EBF1: variants seen among roughly 807,000 people sequenced by gnomAD.
EBF1 encodes the protein EBF transcription factor 1.
A neutral mutation model predicts 68.4 loss-of-function variants in EBF1; 10 were observed. The observed-to-expected ratio is 0.15, with a 90% CI of 0.09 to 0.25. The LOEUF is 0.25. Ranked by LOEUF, EBF1 falls within the 10% of genes least tolerant of loss-of-function variation. The probability of loss-of-function intolerance (pLI) is 1.00; values close to 1 mark genes in which losing one functional copy is unlikely to be tolerated. For missense variants in EBF1, 509 were observed against 794.4 expected (o/e 0.64, Z 4.32); for synonymous variants, 298 against 299.8 (o/e 0.99, Z 0.06).
intron 6 of EBF1, among the ~76,000 whole-genome samples, chr5:158,978,398 C>T (rs1757202344): frequency 6.6e-6 from 1 of 152,192 alleles, no homozygotes; most frequent in Non-Finnish European, 1.5e-5. Context: ...CACTGAATTT[C>T]CCCCTTCCCT....
rs926623094 is a variant in EBF1, at chr5:158,906,109, C to T, written c.555-65999G>A. Among the ~76,000 whole-genome samples, 5 of 151,950 alleles carry T rather than the reference C, an allele frequency of 3.3e-5. No individual in the cohort carries two copies. In the South Asian group the frequency reaches 6.2e-4, roughly 19 times the overall value. On this transcript the variant is annotated intron_variant, in intron 6 of 15. Transcript: ENST00000313708. Reference sequence around the variant, plus strand: ...GCTTTACCATGAGGGGAAGGTGGTTCGATAGGGAAAGAGGGATAAAGGTAG... The same window carrying T: ...GCTTTACCATGAGGGGAAGGTGGTTTGATAGGGAAAGAGGGATAAAGGTAG...
chr5:158,782,822 T>C (rs1191177095), intron 9 of EBF1, among the ~76,000 whole-genome samples: 1 of 152,140 alleles, frequency 6.6e-6, no homozygotes, highest in African/African-American at 2.4e-5. Context: ...TATCCATGAG[T>C]CCAGGTGAGT....
At chr5:159,095,279 C>T (rs1423566969) in intron 4 of EBF1, among the ~76,000 whole-genome samples, 1 of 152,140 alleles carries the variant, frequency 6.6e-6, no homozygotes, top group Admixed American at 6.5e-5. Flanking sequence ...AAAGGTTCAG[C>T]CCACTCCGCA....
chr5:158,838,760 A>G (rs577093086), intron 7 of EBF1, among the ~76,000 whole-genome samples: 6 of 152,336 alleles, frequency 3.9e-5, no homozygotes, highest in African/African-American at 1.4e-4. Context: ...TTCAATCTAC[A>G]CTTAAAGCTG....
chr5:158,922,994 G>A (rs2127410069), intron 6 of EBF1, among the ~76,000 whole-genome samples: 1 of 152,360 alleles, frequency 6.6e-6, no homozygotes, highest in Non-Finnish European at 1.5e-5. Context: ...GAAATGAATG[G>A]CTGAGCCTAC....
At chr5:158,965,459 A>G (rs556150196) in intron 6 of EBF1, among the ~76,000 whole-genome samples, 1 of 152,228 alleles carries the variant, frequency 6.6e-6, no homozygotes, top group African/African-American at 2.4e-5. Flanking sequence ...CAGAAGTTTA[A>G]GCTTTAACAG....
rs140522628 is a variant in EBF1, at chr5:158,765,080, A to G, written c.1036+12333T>C. ...AGAGACACATAGTGTCAGTAGTCAG[A>G]CCTGTACTTTGACCCCCGATACAGA... is the stretch of plus-strand genomic sequence containing the variant. On this transcript the variant is annotated intron_variant, in intron 10 of 15. Transcript: ENST00000313708. Among the ~76,000 whole-genome samples the G allele has an allele frequency of 9.8e-3, 1,492 of 152,310 alleles. 34 individuals carry two copies. Among genetic ancestry groups the G allele is most frequent in the African/African-American group, 0.033 (1,377 of 41,574 alleles).
At chr5:158,809,774 CA>C (rs1782285692) in intron 8 of EBF1, among the ~76,000 whole-genome samples, 1 of 152,292 alleles carries the variant, frequency 6.6e-6, no homozygotes, top group Admixed American at 6.5e-5. Context: ...ACATCTAACA[CA>C]AACGATAGCA....
At chr5:158,824,646 C>G (rs933124573) in intron 7 of EBF1, among the ~76,000 whole-genome samples, 1 of 152,212 alleles carries the variant, frequency 6.6e-6, no homozygotes, top group African/African-American at 2.4e-5. Flanking sequence ...TCTGAGGAAG[C>G]CTTTTCTCCA....
intron 6 of EBF1, among the ~76,000 whole-genome samples, chr5:158,920,378 C>G (rs1252474829): frequency 6.6e-6 from 1 of 152,206 alleles, no homozygotes; most frequent in Admixed American, 6.5e-5. Flanking sequence ...TTTTCCATCC[C>G]TTTCAACTGG....
intron 11 of EBF1, among the ~76,000 whole-genome samples, chr5:158,730,830 T>C (rs1272459259): frequency 1.3e-5 from 2 of 152,220 alleles, no homozygotes; most frequent in East Asian, 1.9e-4. Flanking sequence ...ATGGTAATAA[T>C]ACCAACATCA....
At chr5:158,963,811 T>C (rs1470775076) in intron 6 of EBF1, among the ~76,000 whole-genome samples, 1 of 152,108 alleles carries the variant, frequency 6.6e-6, no homozygotes, top group Non-Finnish European at 1.5e-5. Context: ...TAAATTCTTG[T>C]TGAGGTTTAT....
At chr5:159,073,721 TG>T (rs1016653283) in intron 5 of EBF1, 3 of 502,710 alleles carry the variant, frequency 6.0e-6, no homozygotes, top group African/African-American at 5.8e-5. Flanking sequence ...AACCCCAAGA[TG>T]GGGTCTCCCC....
intron 6 of EBF1, among the ~76,000 whole-genome samples, chr5:159,070,780 G>A (rs1777659299): frequency 6.6e-6 from 1 of 152,140 alleles, no homozygotes; most frequent in Non-Finnish European, 1.5e-5. Flanking sequence ...TGCATCTTTT[G>A]AAAACAGTTA....
rs79550392 is a variant in EBF1 at position 158,865,632 on chromosome 5, G to A, written c.555-25522C>T. Among the ~76,000 whole-genome samples the A allele has an allele frequency of 2.8e-3, 420 of 152,248 alleles. 12 individuals are homozygous for A. In the East Asian group the frequency reaches 0.037, roughly 14 times the overall value. ...AAGTTTAAGATATATTTGTTGTGCC[G>A]TGTTGTGTTGTGTTTGCTGTAGTAG... is the stretch of plus-strand genomic sequence containing the variant. On this transcript the variant is annotated intron_variant, in intron 6 of 15. Transcript: ENST00000313708.
intron 6 of EBF1, among the ~76,000 whole-genome samples, chr5:159,055,409 C>G (rs979299842): frequency 6.6e-6 from 1 of 152,150 alleles, no homozygotes. Context: ...TAAATAACAG[C>G]AGGGGCAGTA....
At chr5:158,872,424 T>C (rs1347282722) in intron 6 of EBF1, among the ~76,000 whole-genome samples, 1 of 152,182 alleles carries the variant, frequency 6.6e-6, no homozygotes, top group Non-Finnish European at 1.5e-5. Flanking sequence ...CTCGAACTCC[T>C]GACCCCGCGA....
chr5:158,872,241 G>C (rs1797007014), intron 6 of EBF1, among the ~76,000 whole-genome samples: 1 of 150,362 alleles, frequency 6.7e-6, no homozygotes, highest in South Asian at 2.1e-4. Flanking sequence ...GTGTCACCCA[G>C]GCTGGAGCCC....
At chr5:158,722,460 G>T (rs1213324332) in intron 11 of EBF1, among the ~76,000 whole-genome samples, 1 of 152,162 alleles carries the variant, frequency 6.6e-6, no homozygotes, top group African/African-American at 2.4e-5. Flanking sequence ...AGATGTATTT[G>T]TCATGTACAC....
Sources: allele counts gnomAD v4.1 joint callset (sites outside exome capture counted in the v4.1 genomes callset), GRCh38; gene constraint gnomAD v4.1.1; transcripts MANE v1.5; gene names NCBI Gene and HGNC (gene_info 2026-07-23, HGNC 2026-07-21).